Variants in AKR1C3 observed in about 807,000 individuals in gnomAD.
AKR1C3 encodes the protein 3-alpha hydroxysteroid dehydrogenase, type II.
AKR1C3 carries 48 observed loss-of-function variants against 43.6 expected under a neutral mutation model. That is an observed-to-expected ratio of 1.10 (90% confidence interval 0.87 to 1.40). The LOEUF (loss-of-function observed/expected upper bound fraction) is 1.40, where lower values mean the gene tolerates loss of function less well. AKR1C3 is among the 40% of genes most tolerant of loss of function. AKR1C3 has a pLI of 0.00. For synonymous variants in AKR1C3, 162 were observed against 139.6 expected (o/e 1.16, Z -1.13); for missense variants, 482 against 391.2 (o/e 1.23, Z -1.96).
chr10:5,089,802 C>T (rs1477189602), upstream of AKR1C3, among the ~76,000 whole-genome samples: 1 of 152,140 alleles, frequency 6.6e-6, no homozygotes, highest in East Asian at 1.9e-4. Context: ...CCACAACATT[C>T]AGATTTTTTA....
chr10:5,090,520 G>A (rs1478244330), upstream of AKR1C3, among the ~76,000 whole-genome samples: 2 of 152,092 alleles, frequency 1.3e-5, no homozygotes, highest in Non-Finnish European at 2.9e-5. Context: ...GTGATAATTG[G>A]GGTAGAACCT....
At chr10:5,102,712 T>G (rs999971522) in intron 7 of AKR1C3, 62 bp downstream of exon 7, 206 of 1,458,676 alleles carry the variant, frequency 1.4e-4, no homozygotes, top group Non-Finnish European at 1.8e-4. Flanking sequence ...GTGTGCTTCT[T>G]GTAAGGCTCT....
At chr10:5,052,406 C>T (rs1554779035) in intron 1 of AKR1C3, among the ~76,000 whole-genome samples, 3 of 152,206 alleles carry the variant, frequency 2.0e-5, no homozygotes, top group Non-Finnish European at 4.4e-5. Flanking sequence ...GCTTGGCCAG[C>T]CTGCTTTTAT....
At chr10:5,076,526 AT>A (rs1838717726) in intron 1 of AKR1C3, among the ~76,000 whole-genome samples, 1 of 152,102 alleles carries the variant, frequency 6.6e-6, no homozygotes, top group African/African-American at 2.4e-5. Flanking sequence ...ACTTTATAAA[AT>A]TTTGCAGTTT....
chr10:5,081,111 G>A (rs894618829), intron 1 of AKR1C3, among the ~76,000 whole-genome samples: 3 of 152,124 alleles, frequency 2.0e-5, no homozygotes, highest in Admixed American at 2.0e-4. Flanking sequence ...TGGATCTGTT[G>A]GAATGCAGGA....
intron 1 of AKR1C3, among the ~76,000 whole-genome samples, chr10:5,057,253 G>A (rs1554779696): frequency 6.6e-6 from 1 of 152,172 alleles, no homozygotes; most frequent in African/African-American, 2.4e-5. Context: ...CAGGTGATGG[G>A]CCTGCTCCAT....
At chr10:5,080,334 C>T (rs1208362695) in intron 1 of AKR1C3, among the ~76,000 whole-genome samples, 1 of 152,164 alleles carries the variant, frequency 6.6e-6, no homozygotes, top group African/African-American at 2.4e-5. Context: ...TAAGATTTCT[C>T]AGAGCCTGGC....
At chr10:5,058,165 G>T (rs1224835464) in intron 1 of AKR1C3, among the ~76,000 whole-genome samples, 1 of 152,120 alleles carries the variant, frequency 6.6e-6, no homozygotes, top group African/African-American at 2.4e-5. Context: ...AATAGGAAGG[G>T]GAGTTATAGG....
intron 1 of AKR1C3, among the ~76,000 whole-genome samples, chr10:5,051,554 C>T (rs1001630551): frequency 1.3e-5 from 2 of 152,238 alleles, no homozygotes; most frequent in Non-Finnish European, 2.9e-5. Context: ...ATGGCAGCTT[C>T]CTAGAAATCA....
At chr10:5,098,441 G>A (rs555318936) in intron 3 of AKR1C3, among the ~76,000 whole-genome samples, 84 of 152,220 alleles carry the variant, frequency 5.5e-4, no homozygotes, top group Admixed American at 9.8e-4. Context: ...TAATCCTACC[G>A]TGTACAAGAG....
chr10:5,082,571 T>C (rs1380821720), intron 1 of AKR1C3, among the ~76,000 whole-genome samples: 9 of 152,168 alleles, frequency 5.9e-5, no homozygotes, highest in African/African-American at 2.2e-4. Flanking sequence ...AGTATGTTTA[T>C]ATGGTGAATC....
At chr10:5,075,987 C>T (rs1838709238) in intron 1 of AKR1C3, among the ~76,000 whole-genome samples, 1 of 152,090 alleles carries the variant, frequency 6.6e-6, no homozygotes, top group Non-Finnish European at 1.5e-5. Context: ...TCCTGAGCTG[C>T]ACTGGTTTCT....
chr10:5,081,547 C>T (rs1443808086), intron 1 of AKR1C3: 1 of 152,176 alleles, frequency 6.6e-6, no homozygotes, highest in Non-Finnish European at 1.5e-5. Context: ...TTTTACTTTA[C>T]TCAGGGAAGG....
intron 1 of AKR1C3, among the ~76,000 whole-genome samples, chr10:5,076,921 G>C (rs968914191): frequency 2.6e-5 from 4 of 152,112 alleles, no homozygotes; most frequent in Non-Finnish European, 2.9e-5. Flanking sequence ...GAAAAATCTG[G>C]TTTTTGAAGT....
At chr10:5,090,365 C>G (rs1377517283), upstream of AKR1C3, among the ~76,000 whole-genome samples, 4 of 152,068 alleles carry the variant, frequency 2.6e-5, no homozygotes, top group African/African-American at 9.7e-5. Context: ...CCTGGGTAGT[C>G]AGTAACACAA....
At chr10:5,107,059 A>G (rs1351642301) in intron 8 of AKR1C3, among the ~76,000 whole-genome samples, 1 of 152,216 alleles carries the variant, frequency 6.6e-6, no homozygotes, top group Non-Finnish European at 1.5e-5. Flanking sequence ...AATGCACTGT[A>G]GCTCCTTGGA....
At chr10:5,097,701 T>C in intron 3 of AKR1C3, 151 bp downstream of exon 3, 4 of 1,483,806 alleles carry the variant, frequency 2.7e-6, no homozygotes, top group Non-Finnish European at 3.6e-6. Context: ...TTCCTTTCTT[T>C]CGAGTAAATT....
chr10:5,048,921 G>A (rs782298007), intron 1 of AKR1C3: 1 of 1,586,742 alleles, frequency 6.3e-7, no homozygotes, highest in Non-Finnish European at 8.7e-7. Context: ...TTGGTGCAGA[G>A]AGTTGAAAAG....
At chr10:5,064,584 TA>T (rs1838456311) in intron 1 of AKR1C3, among the ~76,000 whole-genome samples, 1 of 152,072 alleles carries the variant, frequency 6.6e-6, no homozygotes, top group Non-Finnish European at 1.5e-5. Context: ...AGCAACAGAA[TA>T]AACAGACAAC....
Sources: gnomAD v4.1 joint callset for allele counts (sites outside exome capture counted in the v4.1 genomes callset) on GRCh38, gnomAD v4.1.1 for gene constraint, MANE v1.5 for transcripts, NCBI Gene and HGNC (gene_info 2026-07-23, HGNC 2026-07-21) for gene names.